TBC1D31: variants seen among roughly 807,000 people sequenced by gnomAD.
TBC1D31 encodes the protein WD repeat domain 67.
TBC1D31 carries 99 observed loss-of-function variants against 132.9 expected under a neutral mutation model. That is an observed-to-expected ratio of 0.74 (90% CI 0.63 to 0.88). The LOEUF (loss-of-function observed/expected upper bound fraction) is 0.88, where lower values mean the gene tolerates loss of function less well. TBC1D31 is among the 40% of genes least tolerant of loss of function. TBC1D31 has a pLI of 0.00. For missense variants in TBC1D31, 1,134 were observed against 1,256.6 expected (o/e 0.90, Z 1.48); for synonymous variants, 385 against 419.4 (o/e 0.92, Z 1.00).
chr8:123,127,929 TA>T (rs1820235048), intron 13 of TBC1D31: 1 of 163,996 alleles, frequency 6.1e-6, no homozygotes. Context: ...TAGATATTTT[TA>T]AAGAAGCAAG....
intron 12 of TBC1D31, 101 bp downstream of exon 12, chr8:123,126,290 T>C: frequency 7.2e-7 from 1 of 1,387,990 alleles, no homozygotes; most frequent in Non-Finnish European, 9.7e-7. Flanking sequence ...ATAAAAAGCA[T>C]ACTACATGTT....
chr8:123,148,898 A>C (rs1363171561), intron 20 of TBC1D31, among the ~76,000 whole-genome samples: 2 of 151,930 alleles, frequency 1.3e-5, no homozygotes, highest in Non-Finnish European at 2.9e-5. Flanking sequence ...TCTACTAAAA[A>C]TAGCCGGGCA....
chr8:123,122,016 C>G (rs753885288), intron 11 of TBC1D31, among the ~76,000 whole-genome samples: 3 of 152,134 alleles, frequency 2.0e-5, no homozygotes, highest in Non-Finnish European at 2.9e-5. Context: ...CCTACTAGGA[C>G]AGCTGTAATT....
chr8:123,101,255 T>C (rs1817388923), intron 7 of TBC1D31, among the ~76,000 whole-genome samples: 1 of 152,176 alleles, frequency 6.6e-6, no homozygotes, highest in Non-Finnish European at 1.5e-5. Context: ...TGTTACTCAT[T>C]ATCTCGTTCC....
chr8:123,157,717 G>GCACACACACACA, the TBC1D31 span, among the ~76,000 whole-genome samples: 1 of 99,638 alleles, frequency 1.0e-5, no homozygotes. Flanking sequence ...GGGCGCGCGC[G>GCACACACACACA]CGCACACACA....
At chr8:123,076,133 A>G (rs1473766505) in intron 1 of TBC1D31, among the ~76,000 whole-genome samples, 1 of 151,936 alleles carries the variant, frequency 6.6e-6, no homozygotes, top group African/African-American at 2.4e-5. Flanking sequence ...AGGGTCTTAC[A>G]GTGTCACCCA....
At chr8:123,114,654 G>A (rs1660494454) in intron 10 of TBC1D31, among the ~76,000 whole-genome samples, 1 of 152,092 alleles carries the variant, frequency 6.6e-6, no homozygotes, top group South Asian at 2.1e-4. Flanking sequence ...TAACTTTAAA[G>A]TATTCATTTT....
At chr8:123,140,437 C>G (rs1821535943) in intron 17 of TBC1D31, among the ~76,000 whole-genome samples, 1 of 152,150 alleles carries the variant, frequency 6.6e-6, no homozygotes, top group Non-Finnish European at 1.5e-5. Context: ...TGTCAGAGAG[C>G]TAGCTGTTCT....
At chr8:123,102,033 C>T (rs1258450953) in intron 7 of TBC1D31, among the ~76,000 whole-genome samples, 1 of 152,218 alleles carries the variant, frequency 6.6e-6, no homozygotes, top group East Asian at 1.9e-4. Flanking sequence ...TAGCTTCCCT[C>T]ATTATCCCCA....
chr8:123,154,616 C>T (rs1481123360), downstream of TBC1D31, among the ~76,000 whole-genome samples: 1 of 152,206 alleles, frequency 6.6e-6, no homozygotes, highest in African/African-American at 2.4e-5. Context: ...CCACAAGAAA[C>T]CACCCTCAGG....
At chr8:123,142,189 A>G in intron 18 of TBC1D31, 73 bp from the exon 19 acceptor site, 2 of 1,160,868 alleles carry the variant, frequency 1.7e-6, no homozygotes, top group Non-Finnish European at 2.4e-6. Context: ...ACTTGGATAC[A>G]TTGAATGGTT....
the TBC1D31 span, among the ~76,000 whole-genome samples, chr8:123,161,060 C>A: frequency 1.3e-5 from 2 of 152,156 alleles, no homozygotes; most frequent in Non-Finnish European, 2.9e-5. Flanking sequence ...CGCAGGGAGG[C>A]TCCTGCAGGC....
intron 4 of TBC1D31, among the ~76,000 whole-genome samples, chr8:123,084,982 G>C (rs1228415724): frequency 6.6e-6 from 1 of 151,418 alleles, no homozygotes; most frequent in Non-Finnish European, 1.5e-5. Context: ...TAGAGACAGG[G>C]TTTCATCATG....
intron 10 of TBC1D31, among the ~76,000 whole-genome samples, chr8:123,114,411 C>T (rs1370959600): frequency 1.3e-5 from 2 of 152,134 alleles, no homozygotes; most frequent in East Asian, 1.9e-4. Context: ...ACCTGCCCCT[C>T]CCAGGTTCAG....
intron 13 of TBC1D31, 79 bp from the exon 14 acceptor site, chr8:123,128,202 T>A: frequency 1.4e-6 from 1 of 731,576 alleles, no homozygotes. Context: ...GATACACTTT[T>A]TTTAAATTCT....
chr8:123,160,403 GAAGAA>G, the TBC1D31 span, among the ~76,000 whole-genome samples: 7 of 151,978 alleles, frequency 4.6e-5, no homozygotes, highest in East Asian at 1.4e-3. Context: ...GTAGGAATTA[GAAGAA>G]AAGGGAGGAG....
intron 13 of TBC1D31, 54 bp downstream of exon 13, chr8:123,126,741 AT>A (rs1047117620): frequency 4.8e-3 from 6,405 of 1,340,794 alleles, no homozygotes; most frequent in South Asian, 5.4e-3. Flanking sequence ...ATTTCTCTCT[AT>A]TTTTTTTTTA....
chr8:123,157,164 C>T, the TBC1D31 span, among the ~76,000 whole-genome samples: 17 of 152,310 alleles, frequency 1.1e-4, no homozygotes, highest in Middle Eastern at 3.4e-3. Context: ...TTGTCACCCC[C>T]GGACTTTGAC....
At position 123,151,875 on chromosome 8, in the gene TBC1D31, T is replaced by C. The variant is rs765471958; in HGVS notation, c.3137T>C (p.Leu1046Pro). Residue 1046 changes from leucine (L) to proline (P), a missense_variant, in exon 22 of 22, where the codon CTT becomes CCT. By Grantham distance (98) the Leu-to-Pro change is moderately conservative (BLOSUM62 -3). Transcript: ENST00000287380. ...GQNLIKKVRN[L>P]RQRLTARARH... is the part of the protein sequence containing the mutation. Reference sequence around the variant, plus strand: ...AATCTTATTAAGAAAGTGAGAAATCTTCGCCAGAGACTCACTGCCCGGGCT... The same window carrying C: ...AATCTTATTAAGAAAGTGAGAAATCCTCGCCAGAGACTCACTGCCCGGGCT... 6.3e-7 allele frequency: 1 copy of C among 1,593,022 alleles called. No homozygotes were observed. Among genetic ancestry groups the C allele is most frequent in the African/African-American group, 1.4e-5 (1 of 73,706 alleles).
Sources: allele counts gnomAD v4.1 joint callset (sites outside exome capture counted in the v4.1 genomes callset), GRCh38; gene constraint gnomAD v4.1.1; transcripts MANE v1.5; gene names NCBI Gene and HGNC (gene_info 2026-07-23, HGNC 2026-07-21).